The following MID1 variants were observed in gnomAD, a reference collection of about 807,000 sequenced individuals.
MID1 encodes midline 1.
In MID1, 7 loss-of-function variants were observed where a neutral mutation model predicts 40.4. The observed-to-expected ratio is 0.17, with a 90% confidence interval of 0.10 to 0.33. MID1 has a LOEUF of 0.33. Among genes scored for constraint, MID1 ranks in the 10% least tolerant of loss-of-function variants. The pLI, the probability that MID1 is intolerant of heterozygous loss-of-function variation, is 1.00. For missense variants in MID1, 367 were observed against 558.5 expected, an observed-to-expected ratio of 0.66 and a Z score of 3.46; for synonymous variants, 229 against 221.2, an observed-to-expected ratio of 1.04 and a Z score of -0.31.
intron 3 of MID1, 69 bp from the exon 4 acceptor site, chrX:10,495,760 T>C: frequency 2.9e-6 from 2 of 700,566 alleles, no homozygotes; most frequent in South Asian, 4.3e-5. Flanking sequence ...ATTTTTAATG[T>C]ATACTAGGAT....
At chrX:10,571,837 C>T (rs750650902) in intron 1 of MID1, among the ~76,000 whole-genome samples, 5 of 109,964 alleles carry the variant, frequency 4.5e-5, no homozygotes, top group South Asian at 4.0e-4. Flanking sequence ...TGCAATGAAC[C>T]GTGATCATGC....
intron 1 of MID1, among the ~76,000 whole-genome samples, chrX:10,815,018 G>GT (rs1254249991): frequency 1.8e-5 from 2 of 111,743 alleles, no homozygotes; most frequent in East Asian, 5.6e-4. Context: ...TTGTGTGCAG[G>GT]TTTTTTGTGA....
intron 5 of MID1, among the ~76,000 whole-genome samples, chrX:10,481,411 C>G (rs1433236202): frequency 8.9e-6 from 1 of 111,791 alleles, no homozygotes; most frequent in African/African-American, 3.3e-5. Flanking sequence ...CTGTACCTGG[C>G]CCAGCCTAGT....
chrX:10,765,942 G>GGAAAGAAAGAAAGAAAGAAA (rs201959862), intron 1 of MID1, among the ~76,000 whole-genome samples: 2 of 65,420 alleles, frequency 3.1e-5, no homozygotes, highest in Non-Finnish European at 5.5e-5. Context: ...GGAAAGGAAA[G>GGAAAGAAAGAAAGAAAGAAA]GAAAGAAAGA....
intron 1 of MID1, among the ~76,000 whole-genome samples, chrX:10,752,883 C>T (rs1322271662): frequency 8.9e-6 from 1 of 112,153 alleles, no homozygotes; most frequent in Non-Finnish European, 1.9e-5. Context: ...TCTAAAGGCC[C>T]TTCCCCTACC....
intron 1 of MID1, among the ~76,000 whole-genome samples, chrX:10,729,747 T>C (rs959886200): frequency 1.8e-5 from 2 of 112,185 alleles, no homozygotes; most frequent in East Asian, 5.6e-4. Context: ...ACTTCTTTCA[T>C]TTCTAGAAAT....
chrX:10,817,586 TTCTC>T (rs1241776280), intron 1 of MID1, among the ~76,000 whole-genome samples: 6 of 104,269 alleles, frequency 5.8e-5, no homozygotes, highest in East Asian at 5.9e-4. Context: ...CTTTCTTTCT[TTCTC>T]TCTCTCTTTC....
At chrX:10,520,921 A>G (rs954735704) in intron 3 of MID1, among the ~76,000 whole-genome samples, 2 of 111,238 alleles carry the variant, frequency 1.8e-5, no homozygotes, top group African/African-American at 6.5e-5. Context: ...CTATAAAGAA[A>G]TACCTGATAC....
intron 7 of MID1, among the ~76,000 whole-genome samples, chrX:10,464,199 C>T (rs750942256): frequency 8.9e-6 from 1 of 112,407 alleles, no homozygotes; most frequent in South Asian, 3.7e-4. Flanking sequence ...TCTCTGGAAT[C>T]ACCCAACATA....
chrX:10,461,024 C>T (rs1928993264), intron 7 of MID1, among the ~76,000 whole-genome samples: 1 of 108,787 alleles, frequency 9.2e-6, no homozygotes, highest in Non-Finnish European at 1.9e-5. Flanking sequence ...TTGAAAAATT[C>T]ACCTTATATG....
intron 1 of MID1, among the ~76,000 whole-genome samples, chrX:10,788,998 C>A (rs559804352): frequency 5.8e-4 from 63 of 108,747 alleles, no homozygotes; most frequent in South Asian, 4.6e-3. Context: ...AAACAAAAAC[C>A]AAAAAACAAA....
At chrX:10,639,138 G>A (rs1319329026) in intron 1 of MID1, among the ~76,000 whole-genome samples, 3 of 112,244 alleles carry the variant, frequency 2.7e-5, no homozygotes, top group African/African-American at 9.7e-5. Flanking sequence ...GCCAGCAATG[G>A]AACAAAGCTG....
intron 1 of MID1, among the ~76,000 whole-genome samples, chrX:10,736,244 G>T (rs2043487385): frequency 9.0e-6 from 1 of 111,640 alleles, no homozygotes; most frequent in Non-Finnish European, 1.9e-5. Context: ...CTCCCAAAGT[G>T]CTCGGATTAC....
chrX:10,515,725 C>A (rs760577475), intron 3 of MID1, among the ~76,000 whole-genome samples: 39 of 111,809 alleles, frequency 3.5e-4, no homozygotes, highest in Admixed American at 2.4e-3. Flanking sequence ...AATTGGCCAC[C>A]CTTTCCCAGT....
At chrX:10,678,001 T>C (rs1431240159) in intron 1 of MID1, among the ~76,000 whole-genome samples, 1 of 110,827 alleles carries the variant, frequency 9.0e-6, no homozygotes, top group Non-Finnish European at 1.9e-5. Flanking sequence ...GAGATGAACA[T>C]ACTAGGCAGA....
intron 1 of MID1, among the ~76,000 whole-genome samples, chrX:10,786,224 T>G (rs1253445716): frequency 9.1e-6 from 1 of 110,057 alleles, no homozygotes; most frequent in Admixed American, 9.7e-5. Context: ...AAAATGCTCA[T>G]CATCACTGGC....
intron 8 of MID1, among the ~76,000 whole-genome samples, chrX:10,457,307 C>T (rs899126181): frequency 1.7e-4 from 19 of 111,566 alleles, no homozygotes; most frequent in African/African-American, 5.2e-4. Flanking sequence ...CCCTCACCCA[C>T]GCATGTGTGG....
intron 1 of MID1, among the ~76,000 whole-genome samples, chrX:10,615,943 C>A (rs940822508): frequency 8.9e-6 from 1 of 112,386 alleles, no homozygotes; most frequent in Non-Finnish European, 1.9e-5. Flanking sequence ...TCTTTAATCA[C>A]AGCGTATTTG....
At chrX:10,583,044 AACT>A (rs1437825184) in intron 1 of MID1, 1 of 111,542 alleles carries the variant, frequency 9.0e-6, no homozygotes, top group African/African-American at 3.3e-5. Context: ...AAAAAATTAG[AACT>A]ACTTCTTTTG....
Sources: gnomAD v4.1 joint callset for allele counts (sites outside exome capture counted in the v4.1 genomes callset) on GRCh38, gnomAD v4.1.1 for gene constraint, MANE v1.5 for transcripts, NCBI Gene and HGNC (gene_info 2026-07-23, HGNC 2026-07-21) for gene names.